Variants in CFH observed in about 807,000 individuals in gnomAD.
The protein encoded by CFH is H factor 1 (complement).
A neutral mutation model predicts 147.3 loss-of-function variants in CFH; 53 were observed. That is an observed-to-expected ratio of 0.36 (90% confidence interval 0.29 to 0.45). The LOEUF (loss-of-function observed/expected upper bound fraction) is 0.45. Among genes scored for constraint, CFH ranks in the 20% least tolerant of loss-of-function variants. The pLI is 1.00. For missense variants in CFH, 1,380 were observed against 1,498.0 expected (o/e 0.92, Z 1.30); for synonymous variants, 536 against 489.4 (o/e 1.10, Z -1.26).
At chr1:196,724,129 G>T (rs561623316) in intron 11 of CFH, among the ~76,000 whole-genome samples, 10 of 152,100 alleles carry the variant, frequency 6.6e-5, no homozygotes, top group African/African-American at 2.2e-4. Flanking sequence ...TGCCACAAGG[G>T]GTGTTCCTTT....
intron 15 of CFH, among the ~76,000 whole-genome samples, chr1:196,736,574 C>T (rs1015366440): frequency 6.6e-6 from 1 of 151,572 alleles, no homozygotes; most frequent in South Asian, 2.1e-4. Flanking sequence ...TATGAAAAAA[C>T]TACAAGAAAG....
Position 196,713,914 on chromosome 1 carries a change from A to G in CFH, c.1516A>G (p.Ile506Val). 1 of 1,611,630 alleles carries G rather than the reference A, an allele frequency of 6.2e-7. No individual in the cohort carries two copies. Among genetic ancestry groups the G allele is most frequent in the Non-Finnish European group, 8.5e-7 (1 of 1,178,308 alleles). Residue 506 changes from isoleucine (I) to valine (V), a missense_variant, in exon 10 of 22, where the codon ATT becomes GTT. By Grantham distance (29) the Ile-to-Val change is conservative. Around this residue, in one of 4 missense-constraint regions of CFH, gnomAD observed 830 missense variants for 821.4 expected, o/e 1.01. Coordinates refer to ENST00000367429, the MANE Select transcript of CFH (RefSeq NM_000186.4). ...TGGATGGTCAGCTCAACCCACGTGC[A>G]TTAGTAAGTAATTTATTATGTTTGT... The part of the protein sequence containing the change: ...KDGWSAQPTC[I>V]KSCDIPVFMN...
At chr1:196,695,432 A>T (rs1016054740) in intron 9 of CFH, among the ~76,000 whole-genome samples, 1 of 152,172 alleles carries the variant, frequency 6.6e-6, no homozygotes, top group East Asian at 1.9e-4. Context: ...GTTTGAAATC[A>T]GGTAGCGTGA....
chr1:196,706,731 A>G (rs6695321), intron 9 of CFH, among the ~76,000 whole-genome samples: 56,137 of 151,888 alleles, frequency 0.37, 11,912 homozygotes, highest in East Asian at 0.87. Flanking sequence ...ACACACTTAA[A>G]GAAGACTATC....
chr1:196,739,084 C>CAGCTGG, intron 17 of CFH, among the ~76,000 whole-genome samples: 1 of 152,354 alleles, frequency 6.6e-6, no homozygotes, highest in Non-Finnish European at 1.5e-5. Flanking sequence ...CTTTTAGCCA[C>CAGCTGG]AGCTGGAGCT....
chr1:196,671,532 T>A (rs1289717458), intron 1 of CFH, among the ~76,000 whole-genome samples: 1 of 151,166 alleles, frequency 6.6e-6, no homozygotes, highest in Non-Finnish European at 1.5e-5. Context: ...GATTAAACCC[T>A]CTTGGGTTTT....
chr1:196,740,734 T>A lies in CFH; in HGVS notation c.2898T>A (p.Asp966Glu). The A allele has an allele frequency of 6.2e-7, 1 of 1,614,062 alleles. No homozygotes were observed. The highest frequency in any genetic ancestry group is 8.5e-7 in the Non-Finnish European group (1 of 1,179,970). ...AATGTTTTGAAGGTTTTGGAATTGA[T>A]GGGCCTGCAATTGCAAAATGCTTAG... ...TYKCFEGFGI[D>E]GPAIAKCLGE... Residue 966 changes from aspartate to glutamate, a missense_variant, in exon 18 of 22, where the codon GAT (aspartate) becomes GAA (glutamate). Coordinates refer to ENST00000367429, the MANE Select transcript of CFH (RefSeq NM_000186.4).
chr1:196,709,213 G>A (rs1272810406), intron 9 of CFH, among the ~76,000 whole-genome samples: 1 of 151,978 alleles, frequency 6.6e-6, no homozygotes, highest in Non-Finnish European at 1.5e-5. Flanking sequence ...TGAGCTTTCC[G>A]CCTGCATACT....
intron 21 of CFH, among the ~76,000 whole-genome samples, chr1:196,746,273 C>T (rs1573086097): frequency 6.6e-6 from 1 of 152,024 alleles, no homozygotes; most frequent in East Asian, 1.9e-4. Flanking sequence ...GGTGAAACCC[C>T]GTCTCTACTA....
At chr1:196,670,959 T>G (rs757481419) in intron 1 of CFH, among the ~76,000 whole-genome samples, 6 of 152,170 alleles carry the variant, frequency 3.9e-5, no homozygotes, top group Non-Finnish European at 7.4e-5. Context: ...CACCACACAT[T>G]TTTTTATACT....
chr1:196,723,026 C>A (rs1669038376), intron 11 of CFH, among the ~76,000 whole-genome samples: 1 of 151,678 alleles, frequency 6.6e-6, no homozygotes, highest in South Asian at 2.1e-4. Flanking sequence ...CTCTTGGACT[C>A]CATTTAGCTA....
At chr1:196,711,839 A>G (rs1668730021) in intron 9 of CFH, among the ~76,000 whole-genome samples, 1 of 151,900 alleles carries the variant, frequency 6.6e-6, no homozygotes, top group South Asian at 2.1e-4. Flanking sequence ...TCCTTTGTCC[A>G]TTCTTGGGGA....
At chr1:196,690,673 C>T (rs1194933772) in intron 9 of CFH, among the ~76,000 whole-genome samples, 1 of 152,022 alleles carries the variant, frequency 6.6e-6, no homozygotes, top group East Asian at 1.9e-4. Context: ...TGAGAGAGAG[C>T]GGCACCTGAA....
chr1:196,730,774 T>C lies in CFH; in HGVS notation c.2413+2252T>C, dbSNP rs1200477632. ...TAGTTGCTTTGATGTTGGGTGCATA[T>C]ATAGGTTTATAATAGTTGTATTATC... On this transcript the variant is annotated intron_variant, in intron 15 of 21. Coordinates refer to ENST00000367429, the MANE Select transcript of CFH (RefSeq NM_000186.4). Among the ~76,000 whole-genome samples the C allele has an allele frequency of 2.0e-5, 3 of 151,776 alleles. No homozygotes were observed. In the South Asian group the frequency reaches 6.2e-4, roughly 31 times the overall value.
At chr1:196,709,532 GA>G (rs779609798) in intron 9 of CFH, among the ~76,000 whole-genome samples, 3 of 152,052 alleles carry the variant, frequency 2.0e-5, no homozygotes, top group Non-Finnish European at 4.4e-5. Flanking sequence ...AGCCCGGAAG[GA>G]ACTGAAACTG....
At chr1:196,674,815 C>G (rs927435540) in intron 3 of CFH, among the ~76,000 whole-genome samples, 1 of 152,136 alleles carries the variant, frequency 6.6e-6, no homozygotes, top group African/African-American at 2.4e-5. Flanking sequence ...TATCTCTTCA[C>G]TACCATTTCC....
At chr1:196,676,118 A>C (rs1667444925) in intron 4 of CFH, 53 bp downstream of exon 4, 1 of 1,122,712 alleles carries the variant, frequency 8.9e-7, no homozygotes, top group Non-Finnish European at 1.3e-6. Context: ...TAAGATTTAA[A>C]AAAAGTCTTA....
chr1:196,691,962 C>G lies in CFH; in HGVS notation c.1336+1723C>G, dbSNP rs538592501. On this transcript the variant is annotated intron_variant, in intron 9 of 21. Transcript: ENST00000367429. ...TTTAAATGAAATATGGTAAACTCAA[C>G]ATTTCCCTAACAATTTTTATAGTAC... Among the ~76,000 whole-genome samples the G allele has an allele frequency of 3.3e-5, 5 of 151,958 alleles. No homozygotes were observed. In the South Asian group the frequency reaches 1.0e-3, roughly 32 times the overall value.
At chr1:196,728,646 A>C (rs759051013) in intron 15 of CFH, 124 bp downstream of exon 15, 4 of 913,286 alleles carry the variant, frequency 4.4e-6, no homozygotes, top group African/African-American at 3.3e-5. Context: ...AGGCAGGTAA[A>C]CTAGAAACTA....
Sources: allele counts gnomAD v4.1 joint callset (sites outside exome capture counted in the v4.1 genomes callset), GRCh38; gene constraint gnomAD v4.1.1; regional missense constraint gnomAD v4.1.1; transcripts MANE v1.5; gene names NCBI Gene and HGNC (gene_info 2026-07-23, HGNC 2026-07-21).